The following LCLAT1 variants were observed in gnomAD, a reference collection of about 807,000 sequenced individuals.
LCLAT1 encodes the protein lysocardiolipin acyltransferase 1.
LCLAT1 carries 11 observed loss-of-function variants against 30.7 expected under a neutral mutation model. That is an observed-to-expected ratio of 0.36 (90% CI 0.23 to 0.59). The LOEUF is 0.59. Among genes scored for constraint, LCLAT1 ranks in the 20% least tolerant of loss-of-function variants. LCLAT1 has a pLI of 0.77. For missense variants in LCLAT1, 402 were observed against 458.6 expected, an observed-to-expected ratio of 0.88 and a Z score of 1.13; for synonymous variants, 155 against 151.3, an observed-to-expected ratio of 1.02 and a Z score of -0.18.
At chr2:30,611,551 C>T (rs1048213230) in intron 5 of LCLAT1, among the ~76,000 whole-genome samples, 1 of 152,102 alleles carries the variant, frequency 6.6e-6, no homozygotes, top group Admixed American at 6.6e-5. Context: ...CTCTGCTCTG[C>T]CCCATGTGTG....
intron 3 of LCLAT1, among the ~76,000 whole-genome samples, chr2:30,555,736 G>A (rs1664883724): frequency 6.6e-6 from 1 of 151,928 alleles, no homozygotes; most frequent in East Asian, 1.9e-4. Flanking sequence ...AAAAATGGAA[G>A]GGTGAAAAAA....
intron 1 of LCLAT1, among the ~76,000 whole-genome samples, chr2:30,486,936 A>T (rs953105068): frequency 6.6e-6 from 1 of 152,210 alleles, no homozygotes; most frequent in Non-Finnish European, 1.5e-5. Context: ...GTTTGGTGCT[A>T]TTGGTTACTT....
At chr2:30,537,351 G>A (rs565721611) in intron 3 of LCLAT1, among the ~76,000 whole-genome samples, 27 of 150,092 alleles carry the variant, frequency 1.8e-4, no homozygotes, top group Middle Eastern at 3.5e-3. Flanking sequence ...ACTGCAGTCC[G>A]CAGTCCGGCC....
chr2:30,557,811 T>C (rs1664999655), intron 3 of LCLAT1, among the ~76,000 whole-genome samples: 1 of 152,214 alleles, frequency 6.6e-6, no homozygotes, highest in Non-Finnish European at 1.5e-5. Flanking sequence ...TATGTTTTAG[T>C]CTACTTAAAT....
At chr2:30,635,284 A>ACT (rs1182763714) in intron 5 of LCLAT1, among the ~76,000 whole-genome samples, 5 of 150,332 alleles carry the variant, frequency 3.3e-5, no homozygotes, top group African/African-American at 1.2e-4. Context: ...AAGATAGTCA[A>ACT]CTCTCCCTCC....
intron 1 of LCLAT1, among the ~76,000 whole-genome samples, chr2:30,498,052 CAG>C (rs1684203279): frequency 6.6e-6 from 1 of 152,156 alleles, no homozygotes; most frequent in Non-Finnish European, 1.5e-5. Flanking sequence ...AGGTGTTACC[CAG>C]AGTTCTTTGT....
chr2:30,605,365 C>A lies in LCLAT1; in HGVS notation c.629-34752C>A, dbSNP rs562996979. On this transcript the variant is annotated intron_variant, in intron 5 of 5. Transcript: ENST00000379509. ...AGTGAGTAGTCTTGACGTCAGTAGT[C>A]TGTCTGCTTCATTAAAATGTTAATT... Among the ~76,000 whole-genome samples, 20 of 152,348 alleles carry A rather than the reference C, an allele frequency of 1.3e-4. No homozygotes were observed. The East Asian group carries it at 2.5e-3, about 19-fold the overall frequency.
chr2:30,490,622 G>C (rs535616097), intron 1 of LCLAT1, among the ~76,000 whole-genome samples: 3 of 152,198 alleles, frequency 2.0e-5, no homozygotes, highest in Non-Finnish European at 4.4e-5. Context: ...CTGTAAAGTA[G>C]TTTTGAGAAA....
At chr2:30,495,932 G>A (rs562038702) in intron 1 of LCLAT1, among the ~76,000 whole-genome samples, 5 of 152,218 alleles carry the variant, frequency 3.3e-5, no homozygotes, top group East Asian at 1.9e-4. Flanking sequence ...CTGTTCTTGC[G>A]TTGCTATAAA....
chr2:30,537,260 A>G (rs1047080796), intron 3 of LCLAT1, among the ~76,000 whole-genome samples: 1 of 152,130 alleles, frequency 6.6e-6, no homozygotes, highest in Non-Finnish European at 1.5e-5. Context: ...GGGCGCCTAT[A>G]GTCCCAGCTA....
intron 3 of LCLAT1, among the ~76,000 whole-genome samples, chr2:30,556,428 G>C (rs1664921183): frequency 6.6e-6 from 1 of 151,664 alleles, no homozygotes. Context: ...TTTCAATTAA[G>C]ACAGAAAATG....
chr2:30,611,481 G>A (rs928844167), intron 5 of LCLAT1, among the ~76,000 whole-genome samples: 18 of 152,012 alleles, frequency 1.2e-4, no homozygotes, highest in African/African-American at 3.6e-4. Flanking sequence ...ATTTCCAGCC[G>A]TATCCTCTTT....
chr2:30,514,855 T>C (rs1036628639), intron 1 of LCLAT1, among the ~76,000 whole-genome samples: 1 of 152,232 alleles, frequency 6.6e-6, no homozygotes, highest in Non-Finnish European at 1.5e-5. Flanking sequence ...TTCATGTTTA[T>C]ATACATTTCA....
intron 3 of LCLAT1, among the ~76,000 whole-genome samples, chr2:30,543,770 G>T (rs1197841917): frequency 6.6e-6 from 1 of 151,848 alleles, no homozygotes; most frequent in Non-Finnish European, 1.5e-5. Flanking sequence ...CACTTTTCTT[G>T]TTCAATCTGG....
At position 30,602,896 on chromosome 2, in the gene LCLAT1, A is replaced by T. The variant is rs573151097; in HGVS notation, c.628+34720A>T. On this transcript the variant is annotated intron_variant, in intron 5 of 5. Transcript: ENST00000379509. ...GACAAAGATAAGAAGATGTCTAGAA[A>T]TGGGGATTGTACAACTTTCTTCCAG... 3.4e-4 allele frequency among the ~76,000 whole-genome samples: 52 copies of T among 152,260 alleles called. 2 individuals carry two copies. In the South Asian group the frequency reaches 9.9e-3, roughly 29 times the overall value.
At chr2:30,576,518 C>G (rs1228159974) in intron 5 of LCLAT1, among the ~76,000 whole-genome samples, 1 of 152,004 alleles carries the variant, frequency 6.6e-6, no homozygotes, top group Non-Finnish European at 1.5e-5. Context: ...TAACAATATA[C>G]TTTACCTTCC....
intron 3 of LCLAT1, among the ~76,000 whole-genome samples, chr2:30,558,815 ACAGAC>A (rs1665061246): frequency 6.6e-6 from 1 of 152,206 alleles, no homozygotes; most frequent in African/African-American, 2.4e-5. Flanking sequence ...CTGAAGCTGA[ACAGAC>A]ATAAACCCTA....
intron 2 of LCLAT1, among the ~76,000 whole-genome samples, chr2:30,527,760 C>T (rs561255845): frequency 2.0e-5 from 3 of 151,996 alleles, no homozygotes; most frequent in Non-Finnish European, 2.9e-5. Flanking sequence ...AATATATAGC[C>T]TTTTTAGTAT....
chr2:30,453,049 G>A (rs1187983889), intron 1 of LCLAT1, among the ~76,000 whole-genome samples: 1 of 152,106 alleles, frequency 6.6e-6, no homozygotes, highest in African/African-American at 2.4e-5. Context: ...AGAGAAAATG[G>A]ATTACTGTTC....
Sources: gnomAD v4.1 joint callset for allele counts (sites outside exome capture counted in the v4.1 genomes callset) on GRCh38, gnomAD v4.1.1 for gene constraint, MANE v1.5 for transcripts, NCBI Gene and HGNC (gene_info 2026-07-23, HGNC 2026-07-21) for gene names.